The following LIPH variants were observed in gnomAD, a reference collection of about 807,000 sequenced individuals.
LIPH encodes lipase member H.
LIPH carries 32 observed loss-of-function variants against 47.6 expected under a neutral mutation model. That is an observed-to-expected ratio of 0.67 (90% CI 0.51 to 0.90). The LOEUF (loss-of-function observed/expected upper bound fraction) is 0.90, where lower values mean the gene tolerates loss of function less well. Ranked by LOEUF, LIPH falls within the 40% of genes least tolerant of loss-of-function variation. The pLI, the probability that LIPH is intolerant of heterozygous loss-of-function variation, is 0.00. For synonymous variants in LIPH, 190 were observed against 195.6 expected, an observed-to-expected ratio of 0.97 and a Z score of 0.24; for missense variants, 497 against 541.4, an observed-to-expected ratio of 0.92 and a Z score of 0.81.
rs1179241456 is a variant in LIPH, at chr3:185,529,906, A to G, written c.527-2321T>C. On this transcript the variant is annotated intron_variant, in intron 3 of 9. Coordinates refer to ENST00000296252, the MANE Select transcript of LIPH (RefSeq NM_139248.3). ...AAGAGAGAGAGAGAAAGAGAGAAAGAAAAGAAAGAAAGAAAGAAAGAAAGA... is the reference window on the plus strand; with the variant it reads ...AAGAGAGAGAGAGAAAGAGAGAAAGGAAAGAAAGAAAGAAAGAAAGAAAGA... Among the ~76,000 whole-genome samples, 7 of 122,716 alleles carry G rather than the reference A, an allele frequency of 5.7e-5. No individual in the cohort carries two copies. The East Asian group carries it at 9.6e-4, about 17-fold the overall frequency. 80.5% of individuals were successfully genotyped at this position (122,716 alleles called of 152,430 possible).
chr3:185,537,119 G>A (rs1200532680), intron 1 of LIPH, among the ~76,000 whole-genome samples: 1 of 152,130 alleles, frequency 6.6e-6, no homozygotes, highest in Admixed American at 6.6e-5. Context: ...TCCTGACCTC[G>A]GGTGATCCGC....
intron 3 of LIPH, among the ~76,000 whole-genome samples, chr3:185,529,082 C>T (rs1212177168): frequency 2.2e-5 from 3 of 138,118 alleles, no homozygotes; most frequent in Non-Finnish European, 4.5e-5. Context: ...GAGGCTAAGG[C>T]AGGAGAATTG....
At chr3:185,540,643 G>C (rs1351568425) in intron 1 of LIPH, among the ~76,000 whole-genome samples, 2 of 148,868 alleles carry the variant, frequency 1.3e-5, no homozygotes, top group African/African-American at 5.0e-5. Context: ...GTTTGAACCA[G>C]GGAGGCGGAG....
rs750912516 is a variant in LIPH, at chr3:185,535,027, G to A, written c.155C>T (p.Thr52Ile). 2.5e-6 allele frequency: 4 copies of A among 1,613,730 alleles called. No homozygotes were observed. The South Asian group carries it at 4.4e-5, about 18-fold the overall frequency. ...RLMLYTRKNL[T>I]CAQTINSSAF... ...TGAGGAGTTGATGGTTTGTGCGCAGGTCAGGTTTTTCCTTGTGTAGAGCAT... is the reference window on the plus strand; with the variant it reads ...TGAGGAGTTGATGGTTTGTGCGCAGATCAGGTTTTTCCTTGTGTAGAGCAT... Residue 52 changes from threonine (T) to isoleucine (I), a missense_variant, in exon 2 of 10, where the codon ACC becomes ATC. Physicochemically the swap from Thr to Ile is moderately conservative, Grantham distance 89. Coordinates refer to ENST00000296252, the MANE Select transcript of LIPH (RefSeq NM_139248.3).
rs1719412897 is a variant in LIPH, at chr3:185,507,372, GA to G, written c.*1417del. ...AGGCAACTCCAAAAAAAAAAAAAGAGAGAGAGAGTCAATTTCTTCATAACAA... is the reference window on the plus strand; with the variant it reads ...AGGCAACTCCAAAAAAAAAAAAAGAGGAGAGAGTCAATTTCTTCATAACAA... On this transcript the variant is annotated 3_prime_UTR_variant, in exon 10 of 10. Transcript: ENST00000296252. The G allele has an allele frequency of 6.6e-6, 1 of 150,704 alleles. No homozygotes were observed. The highest frequency in any genetic ancestry group is 1.5e-5 in the Non-Finnish European group (1 of 67,708). The allele number at this position is 150,704 out of a possible 1,614,324, so 9.3% of individuals were successfully genotyped here. A position where few individuals can be genotyped will look rare whatever the true frequency, so the allele number is the denominator to read the frequency against.
At position 185,524,059 on chromosome 3, in the gene LIPH, A is replaced by G; in HGVS notation, c.718+12T>C. 1.9e-6 allele frequency: 3 copies of G among 1,594,456 alleles called. No individual in the cohort carries two copies. The highest frequency in any genetic ancestry group is 2.6e-6 in the Non-Finnish European group (3 of 1,162,140). On this transcript the variant is annotated intron_variant, in intron 5 of 9. Transcript: ENST00000296252. ...TTTTTATACCACTATTTTACAAAAT[A>G]TAAAGGCTTACCTCCCAATATTGTT...
chr3:185,537,258 C>T (rs938662866), intron 1 of LIPH, among the ~76,000 whole-genome samples: 4 of 151,898 alleles, frequency 2.6e-5, no homozygotes, highest in Admixed American at 6.6e-5. Context: ...CTCAAAACTG[C>T]GGTTAATCAG....
chr3:185,545,688 A>G (rs1286162822), intron 1 of LIPH, among the ~76,000 whole-genome samples: 1 of 152,220 alleles, frequency 6.6e-6, no homozygotes, highest in African/African-American at 2.4e-5. Flanking sequence ...ACCCTGGGCA[A>G]CATAGTGAGA....
chr3:185,546,471 G>A (rs1038168601), intron 1 of LIPH, among the ~76,000 whole-genome samples: 4 of 151,966 alleles, frequency 2.6e-5, no homozygotes, highest in African/African-American at 9.7e-5. Flanking sequence ...AAGCCTGCCT[G>A]GGCAATATGG....
At chr3:185,520,195 A>T (rs1317742132) in intron 5 of LIPH, among the ~76,000 whole-genome samples, 1 of 152,130 alleles carries the variant, frequency 6.6e-6, no homozygotes, top group East Asian at 1.9e-4. Flanking sequence ...GTCATGGAGA[A>T]TCAGAAGGAA....
intron 4 of LIPH, 54 bp downstream of exon 4, chr3:185,527,430 G>T (rs1374516563): frequency 1.1e-5 from 13 of 1,174,310 alleles, no homozygotes; most frequent in Non-Finnish European, 1.7e-5. Context: ...CTCCCCAGGG[G>T]ACACTCTTTA....
At chr3:185,522,662 G>GAAAGAAAGA (rs1285481364) in intron 5 of LIPH, among the ~76,000 whole-genome samples, 463 of 24,232 alleles carry the variant, frequency 0.019, 3 homozygotes, top group South Asian at 0.041. Context: ...AAGAAAGAAA[G>GAAAGAAAGA]AAAGAAAGAA....
intron 6 of LIPH, among the ~76,000 whole-genome samples, chr3:185,518,796 A>C (rs1719810595): frequency 6.6e-6 from 1 of 151,770 alleles, no homozygotes; most frequent in South Asian, 2.1e-4. Context: ...ATCTCAGTTG[A>C]CTGCAGCCTC....
intron 1 of LIPH, among the ~76,000 whole-genome samples, chr3:185,535,537 C>T (rs1720478542): frequency 6.6e-6 from 1 of 151,074 alleles, no homozygotes; most frequent in Non-Finnish European, 1.5e-5. Context: ...ACCTTGGCCT[C>T]CCAAAGTGGT....
intron 5 of LIPH, among the ~76,000 whole-genome samples, chr3:185,523,161 G>A (rs1226148469): frequency 1.3e-5 from 2 of 151,928 alleles, no homozygotes; most frequent in African/African-American, 4.8e-5. Context: ...TCTAATTCTT[G>A]TCTGCATTTT....
intron 9 of LIPH, 65 bp downstream of exon 9, chr3:185,511,459 G>T: frequency 6.9e-7 from 1 of 1,442,724 alleles, no homozygotes; most frequent in Non-Finnish European, 9.8e-7. Flanking sequence ...AGACCAAGCA[G>T]ATTGGACAGG....
intron 1 of LIPH, among the ~76,000 whole-genome samples, chr3:185,538,920 CAT>C (rs1260023237): frequency 1.1e-5 from 1 of 92,714 alleles, no homozygotes; most frequent in South Asian, 2.8e-4. Flanking sequence ...CATATATACA[CAT>C]ATACACATAT....
At chr3:185,519,457 G>A in intron 5 of LIPH, 148 bp from the exon 6 acceptor site, 1 of 674,018 alleles carries the variant, frequency 1.5e-6, no homozygotes, top group East Asian at 2.7e-5. Flanking sequence ...AAATCCCATA[G>A]ATAAGAATTC....
intron 9 of LIPH, among the ~76,000 whole-genome samples, chr3:185,509,199 T>A (rs1462315243): frequency 6.6e-6 from 1 of 151,672 alleles, no homozygotes; most frequent in East Asian, 1.9e-4. Flanking sequence ...GCTAAGGCAG[T>A]ACTAGAGCCC....
Sources: gnomAD v4.1 joint callset for allele counts (sites outside exome capture counted in the v4.1 genomes callset) on GRCh38, gnomAD v4.1.1 for gene constraint, MANE v1.5 for transcripts, NCBI Gene and HGNC (gene_info 2026-07-23, HGNC 2026-07-21) for gene names.